BBX: variants seen among roughly 807,000 people sequenced by gnomAD.
BBX encodes the protein HMG box transcription factor BBX.
Under a neutral mutation model 100.2 loss-of-function variants are expected in BBX, and 30 were observed. That is an observed-to-expected ratio of 0.30 (90% CI 0.22 to 0.41). The LOEUF (loss-of-function observed/expected upper bound fraction) is 0.41, where lower values mean the gene tolerates loss of function less well. BBX is among the 10% of genes least tolerant of loss of function. The pLI, the probability that BBX is intolerant of heterozygous loss-of-function variation, is 1.00. For synonymous variants in BBX, 376 were observed against 388.1 expected (o/e 0.97, Z 0.37); for missense variants, 1,023 against 1,129.8 (o/e 0.91, Z 1.35).
At chr3:107,722,634 A>G (rs758397371) in intron 5 of BBX, among the ~76,000 whole-genome samples, 3 of 152,016 alleles carry the variant, frequency 2.0e-5, no homozygotes, top group Admixed American at 6.6e-5. Flanking sequence ...TCAAGTGTAT[A>G]ATTTCTGTTG....
At chr3:107,804,704 G>C (rs1438243934) in intron 17 of BBX, among the ~76,000 whole-genome samples, 1 of 152,020 alleles carries the variant, frequency 6.6e-6, no homozygotes, top group East Asian at 1.9e-4. Context: ...CCCAACTAGG[G>C]TAGATTTTGT....
At chr3:107,529,983 A>G (rs188101407) in intron 2 of BBX, among the ~76,000 whole-genome samples, 39 of 152,348 alleles carry the variant, frequency 2.6e-4, no homozygotes, top group African/African-American at 8.7e-4. Context: ...AATGTAGACC[A>G]TGAAGCATTG....
intron 2 of BBX, among the ~76,000 whole-genome samples, chr3:107,592,140 C>T (rs1323262685): frequency 6.6e-6 from 1 of 151,942 alleles, no homozygotes; most frequent in Non-Finnish European, 1.5e-5. Flanking sequence ...AACTTGTAAG[C>T]TTGTCTGTTT....
chr3:107,641,931 T>A (rs2057237651), intron 2 of BBX: 1 of 152,202 alleles, frequency 6.6e-6, no homozygotes, highest in Admixed American at 6.5e-5. Flanking sequence ...TTTATATGTG[T>A]GTGTATGTGA....
At chr3:107,599,872 T>C (rs2053940482) in intron 2 of BBX, among the ~76,000 whole-genome samples, 2 of 151,906 alleles carry the variant, frequency 1.3e-5, no homozygotes, top group South Asian at 2.1e-4. Context: ...GTAAACAAGA[T>C]GATGATTTTT....
intron 10 of BBX, among the ~76,000 whole-genome samples, chr3:107,760,884 T>C (rs1391624778): frequency 6.6e-6 from 1 of 152,204 alleles, no homozygotes; most frequent in Admixed American, 6.5e-5. Context: ...GATTAAAACT[T>C]CAAATAAATA....
chr3:107,652,959 T>C (rs1165236601), intron 3 of BBX, among the ~76,000 whole-genome samples: 2 of 152,186 alleles, frequency 1.3e-5, no homozygotes, highest in Non-Finnish European at 2.9e-5. Flanking sequence ...CATGTCTGTA[T>C]TCCCAAAATT....
intron 3 of BBX, among the ~76,000 whole-genome samples, chr3:107,695,707 TAGGTCCGCTTGGTGC>T (rs1395004107): frequency 6.6e-6 from 1 of 151,606 alleles, no homozygotes; most frequent in African/African-American, 2.4e-5. Flanking sequence ...AGATGTCTAT[TAGGTCCGCTTGGTGC>T]AGAGCTGAGT....
At chr3:107,619,650 A>G (rs944544201) in intron 2 of BBX, among the ~76,000 whole-genome samples, 10 of 151,552 alleles carry the variant, frequency 6.6e-5, no homozygotes, top group Non-Finnish European at 1.2e-4. Flanking sequence ...AAAAATATCC[A>G]TGTTTTTCTT....
At position 107,700,411 on chromosome 3, in the gene BBX, CATCATTATTATTATTATTATT is replaced by C. The variant is rs771373960; in HGVS notation, c.-9-10038_-9-10018del. On this transcript the variant is annotated intron_variant, in intron 3 of 17. Transcript: ENST00000325805. Reference sequence around the variant, plus strand: ...AGGAGGCAAAGGTATTTTCTTTCATCATCATTATTATTATTATTATTATTATTATTATTATTATTATTATAC... The same window carrying C: ...AGGAGGCAAAGGTATTTTCTTTCATCATTATTATTATTATTATTATTATAC... Among the ~76,000 whole-genome samples the C allele has an allele frequency of 8.2e-5, 11 of 133,904 alleles. No individual in the cohort carries two copies. The East Asian group carries it at 1.6e-3, about 20-fold the overall frequency. The allele number at this position is 133,904 out of a possible 152,430, so 87.8% of individuals were successfully genotyped here.
At chr3:107,600,606 A>C (rs2053993468) in intron 2 of BBX, among the ~76,000 whole-genome samples, 1 of 152,210 alleles carries the variant, frequency 6.6e-6, no homozygotes, top group Non-Finnish European at 1.5e-5. Flanking sequence ...TTTATTCATG[A>C]ATAGAATACA....
chr3:107,580,199 TTAATG>T (rs1243228618), intron 2 of BBX, among the ~76,000 whole-genome samples: 1 of 152,148 alleles, frequency 6.6e-6, no homozygotes, highest in Non-Finnish European at 1.5e-5. Context: ...TTATGAAACA[TTAATG>T]TAATACAAAA....
intron 6 of BBX, 111 bp downstream of exon 6, chr3:107,729,071 C>A: frequency 9.3e-7 from 1 of 1,078,136 alleles, no homozygotes; most frequent in Non-Finnish European, 1.4e-6. Context: ...CAATATTAAG[C>A]AGTGGCAAAG....
At chr3:107,733,165 C>A in intron 7 of BBX, 142 bp downstream of exon 7, 1 of 739,980 alleles carries the variant, frequency 1.4e-6, no homozygotes, top group Non-Finnish European at 2.1e-6. Context: ...TAAGATCTTT[C>A]TGTGTGTCTT....
chr3:107,595,126 G>C (rs2053592170), intron 2 of BBX, among the ~76,000 whole-genome samples: 1 of 152,202 alleles, frequency 6.6e-6, no homozygotes, highest in Non-Finnish European at 1.5e-5. Flanking sequence ...AACTAGGCTG[G>C]ACCATCCATC....
At position 107,705,813 on chromosome 3, in the gene BBX, G is replaced by T. The variant is rs181610366; in HGVS notation, c.-9-4639G>T. On this transcript the variant is annotated intron_variant, in intron 3 of 17. Coordinates refer to ENST00000325805, the MANE Select transcript of BBX (RefSeq NM_001142568.3). ...ATTATTTAGTTTTAACATGAGGAAA[G>T]ATCAGCACAAGTATTAACTTTCCAA... Among the ~76,000 whole-genome samples, 7 of 152,272 alleles carry T rather than the reference G, an allele frequency of 4.6e-5. No individual in the cohort carries two copies. The East Asian group carries it at 1.2e-3, about 25-fold the overall frequency.
At chr3:107,654,876 T>C (rs1016748863) in intron 3 of BBX, among the ~76,000 whole-genome samples, 6 of 152,156 alleles carry the variant, frequency 3.9e-5, no homozygotes, top group African/African-American at 1.4e-4. Flanking sequence ...TTAAAGGTAC[T>C]AGAGGGTATA....
At chr3:107,593,628 A>C (rs556130980) in intron 2 of BBX, among the ~76,000 whole-genome samples, 1 of 152,142 alleles carries the variant, frequency 6.6e-6, no homozygotes, top group African/African-American at 2.4e-5. Context: ...AACCAGATCT[A>C]TAGTCACAGA....
intron 2 of BBX, among the ~76,000 whole-genome samples, chr3:107,568,293 CT>C (rs1270605358): frequency 1.1e-4 from 14 of 132,314 alleles, no homozygotes; most frequent in Admixed American, 4.2e-4. Flanking sequence ...GAGATGGAGT[CT>C]TGCTCTGTCG....
Sources: gnomAD v4.1 joint callset for allele counts (sites outside exome capture counted in the v4.1 genomes callset) on GRCh38, gnomAD v4.1.1 for gene constraint, MANE v1.5 for transcripts, NCBI Gene and HGNC (gene_info 2026-07-23, HGNC 2026-07-21) for gene names.